SUSD5: variants seen among roughly 807,000 people sequenced by gnomAD.
The protein encoded by SUSD5 is sushi domain containing 5, also known as sushi domain-containing protein 5.
SUSD5 carries 33 observed loss-of-function variants against 29.5 expected under a neutral mutation model. The ratio of observed to expected loss-of-function variants is 1.12; its 90% CI spans 0.85 to 1.49. SUSD5 has a LOEUF of 1.49. SUSD5 is among the 40% of genes most tolerant of loss of function. SUSD5 has a pLI of 0.00. For synonymous variants in SUSD5, 308 were observed against 325.3 expected (o/e 0.95, Z 0.57); for missense variants, 776 against 800.6 (o/e 0.97, Z 0.37).
chr3:33,193,004 C>CTGTT (rs10662722), intron 3 of SUSD5, among the ~76,000 whole-genome samples: 88,085 of 151,522 alleles, frequency 0.58, 25,876 homozygotes, highest in South Asian at 0.66. Context: ...AAGTACTTGT[C>CTGTT]TGGGTCTCAG....
At chr3:33,195,743 TG>T (rs1311853485) in intron 3 of SUSD5, among the ~76,000 whole-genome samples, 6 of 77,022 alleles carry the variant, frequency 7.8e-5, no homozygotes, top group African/African-American at 2.6e-4. Context: ...GCCATATAAA[TG>T]AAAAAAAAAA....
At chr3:33,178,465 T>C (rs904718770) in intron 3 of SUSD5, among the ~76,000 whole-genome samples, 1 of 151,980 alleles carries the variant, frequency 6.6e-6, no homozygotes, top group African/African-American at 2.4e-5. Context: ...TTGTTTTTTT[T>C]TGAGACGGAG....
intron 3 of SUSD5, among the ~76,000 whole-genome samples, chr3:33,197,341 A>G (rs1023608746): frequency 1.3e-5 from 2 of 152,176 alleles, no homozygotes; most frequent in African/African-American, 4.8e-5. Flanking sequence ...TGCCTACAGT[A>G]TTGCCTTGCT....
intron 4 of SUSD5, 132 bp downstream of exon 4, chr3:33,174,754 G>C: frequency 5.1e-6 from 5 of 974,020 alleles, no homozygotes; most frequent in Non-Finnish European, 7.5e-6. Flanking sequence ...CAGAGCTCAG[G>C]ATAAAGGTCT....
intron 4 of SUSD5, among the ~76,000 whole-genome samples, chr3:33,170,076 G>C (rs901022305): frequency 1.3e-4 from 19 of 151,970 alleles, no homozygotes; most frequent in African/African-American, 4.6e-4. Flanking sequence ...ATGCCACCAC[G>C]CCCAGCTAAT....
intron 3 of SUSD5, among the ~76,000 whole-genome samples, chr3:33,175,752 C>T (rs905347288): frequency 6.6e-6 from 1 of 152,074 alleles, no homozygotes; most frequent in Non-Finnish European, 1.5e-5. Flanking sequence ...CCTATACCCC[C>T]GACCCTTCCA....
chr3:33,168,803 C>T (rs762879104), intron 4 of SUSD5, among the ~76,000 whole-genome samples: 17 of 152,206 alleles, frequency 1.1e-4, no homozygotes, highest in Non-Finnish European at 2.2e-4. Context: ...GCATGTGCCA[C>T]CACACCTGGC....
At chr3:33,211,562 T>C (rs552749764) in intron 2 of SUSD5, among the ~76,000 whole-genome samples, 3 of 152,344 alleles carry the variant, frequency 2.0e-5, no homozygotes, top group South Asian at 4.1e-4. Flanking sequence ...CTTTATTCAG[T>C]TGCTGCTTCA....
rs187904683 is a variant in SUSD5, at chr3:33,162,417, A to G, written c.599-8384T>C. Among the ~76,000 whole-genome samples, 14 of 152,336 alleles carry G rather than the reference A, an allele frequency of 9.2e-5. No homozygotes were observed. The East Asian group carries it at 1.3e-3, about 15-fold the overall frequency. ...AAAATTAAGTTAAAAACAAAGAAAT[A>G]GAAGAAGGAGATTTTTAAAAGAGGA... On this transcript the variant is annotated intron_variant, in intron 4 of 4. Coordinates refer to ENST00000309558, the MANE Select transcript of SUSD5 (RefSeq NM_015551.2).
At chr3:33,184,359 T>A (rs992577356) in intron 3 of SUSD5, among the ~76,000 whole-genome samples, 1 of 152,218 alleles carries the variant, frequency 6.6e-6, no homozygotes, top group Admixed American at 6.5e-5. Flanking sequence ...TTTAAATTTA[T>A]CTTTAAATTT....
intron 3 of SUSD5, among the ~76,000 whole-genome samples, chr3:33,185,845 A>AT (rs2031766026): frequency 6.6e-6 from 1 of 152,196 alleles, no homozygotes; most frequent in African/African-American, 2.4e-5. Flanking sequence ...ATGATTATAA[A>AT]TAATGCTTCA....
chr3:33,174,433 A>C (rs1353581275), intron 4 of SUSD5, among the ~76,000 whole-genome samples: 1 of 152,158 alleles, frequency 6.6e-6, no homozygotes, highest in Non-Finnish European at 1.5e-5. Flanking sequence ...ATGCTCAGAT[A>C]CAAGAATCAC....
chr3:33,175,417 G>A (rs145932805), intron 3 of SUSD5, among the ~76,000 whole-genome samples: 2,824 of 152,124 alleles, frequency 0.019, 50 homozygotes, highest in Middle Eastern at 0.065. Flanking sequence ...TTTTATAAGT[G>A]AATAGGAACT....
intron 2 of SUSD5, among the ~76,000 whole-genome samples, chr3:33,209,953 A>G (rs771546834): frequency 3.3e-5 from 5 of 152,084 alleles, no homozygotes; most frequent in South Asian, 4.1e-4. Flanking sequence ...CTCATCTTTT[A>G]TATCTTTGAA....
At chr3:33,184,633 T>C (rs1173815052) in intron 3 of SUSD5, among the ~76,000 whole-genome samples, 3 of 98,082 alleles carry the variant, frequency 3.1e-5, no homozygotes, top group East Asian at 5.5e-4. Context: ...TCTCTTTGTT[T>C]TTCAGTTTTG....
chr3:33,192,255 T>C (rs1394531144), intron 3 of SUSD5, among the ~76,000 whole-genome samples: 2 of 150,498 alleles, frequency 1.3e-5, no homozygotes, highest in East Asian at 4.0e-4. Flanking sequence ...TTTTCTTTTT[T>C]TTTTTTTTGT....
At chr3:33,206,412 A>AGTGTGTGT (rs5847777) in intron 3 of SUSD5, among the ~76,000 whole-genome samples, 10 of 148,676 alleles carry the variant, frequency 6.7e-5, no homozygotes, top group East Asian at 4.0e-4. Context: ...AATTTACTTG[A>AGTGTGTGT]GTGTGTGTGT....
intron 4 of SUSD5, among the ~76,000 whole-genome samples, chr3:33,155,553 A>C (rs2031031368): frequency 6.6e-6 from 1 of 152,218 alleles, no homozygotes; most frequent in Non-Finnish European, 1.5e-5. Context: ...TTCCACTCCT[A>C]AATATATACA....
At chr3:33,175,695 A>C (rs181742623) in intron 3 of SUSD5, among the ~76,000 whole-genome samples, 10 of 152,078 alleles carry the variant, frequency 6.6e-5, no homozygotes, top group Non-Finnish European at 1.2e-4. Flanking sequence ...AAAATTGATT[A>C]TTTTTTAGGT....
Sources: gnomAD v4.1 joint callset for allele counts (sites outside exome capture counted in the v4.1 genomes callset) on GRCh38, gnomAD v4.1.1 for gene constraint, MANE v1.5 for transcripts, NCBI Gene and HGNC (gene_info 2026-07-23, HGNC 2026-07-21) for gene names.